EIF3B: variants seen among roughly 807,000 people sequenced by gnomAD.
EIF3B encodes the protein eukaryotic translation initiation factor 3 subunit B.
In EIF3B, 10 loss-of-function variants were observed where a neutral mutation model predicts 104.6. That is an observed-to-expected ratio of 0.10 (90% CI 0.06 to 0.16). The LOEUF (loss-of-function observed/expected upper bound fraction) is 0.16, where lower values mean the gene tolerates loss of function less well. Among genes scored for constraint, EIF3B ranks in the 10% least tolerant of loss-of-function variants. The probability of loss-of-function intolerance (pLI) is 1.00; values close to 1 mark genes in which losing one functional copy is unlikely to be tolerated. For missense variants in EIF3B, 1,014 were observed against 1,087.9 expected (o/e 0.93, Z 0.96); for synonymous variants, 542 against 417.2 (o/e 1.30, Z -3.65).
chr7:2,359,872 C>T (rs894808481), intron 1 of EIF3B, among the ~76,000 whole-genome samples: 45 of 152,122 alleles, frequency 3.0e-4, no homozygotes, highest in African/African-American at 1.0e-3. Flanking sequence ...CGGTGTCAGG[C>T]GTTGTGTTGA....
At chr7:2,361,427 T>C (rs909196412) in intron 2 of EIF3B, among the ~76,000 whole-genome samples, 4 of 152,212 alleles carry the variant, frequency 2.6e-5, no homozygotes, top group Admixed American at 2.6e-4. Flanking sequence ...CTTTCTTTCT[T>C]TCTTTTTTTT....
rs772046392 is a variant in EIF3B, at chr7:2,377,091, C to G, written c.2154+16C>G. The G allele has an allele frequency of 6.3e-7, 1 of 1,596,178 alleles. No individual in the cohort carries two copies. Among genetic ancestry groups the G allele is most frequent in the Non-Finnish European group, 8.6e-7 (1 of 1,167,750 alleles). ...ACAGATCAAGGTCAGCATGCCCCCA[C>G]CCCCGGGTGCAGGGCACATGGAGGC... is the stretch of plus-strand genomic sequence containing the variant. On this transcript the variant is annotated intron_variant, in intron 15 of 18. Coordinates refer to ENST00000360876, the MANE Select transcript of EIF3B (RefSeq NM_001037283.2).
At chr7:2,371,181 C>T (rs1780317750) in intron 10 of EIF3B, among the ~76,000 whole-genome samples, 1 of 152,268 alleles carries the variant, frequency 6.6e-6, no homozygotes, top group Admixed American at 6.5e-5. Context: ...ATTCTGAACA[C>T]ACAGCTGGAA....
chr7:2,367,321 G>A (rs944775263), intron 9 of EIF3B, among the ~76,000 whole-genome samples: 4 of 152,028 alleles, frequency 2.6e-5, no homozygotes, highest in Admixed American at 2.0e-4. Flanking sequence ...CATTCCCAAG[G>A]GCTTCCCCCT....
At chr7:2,376,650 G>A (rs1359513641) in intron 14 of EIF3B, 4 of 340,774 alleles carry the variant, frequency 1.2e-5, no homozygotes, top group Admixed American at 4.7e-5. Context: ...GTTCAGCGGC[G>A]CAGTAGTGAG....
At chr7:2,374,859 G>T in intron 13 of EIF3B, 1 of 394,910 alleles carries the variant, frequency 2.5e-6, no homozygotes, top group Non-Finnish European at 4.5e-6. Context: ...ACCTGTCTGC[G>T]GGTTGTGGTT....
At chr7:2,369,069 C>T (rs1157938732) in intron 9 of EIF3B, among the ~76,000 whole-genome samples, 1 of 152,166 alleles carries the variant, frequency 6.6e-6, no homozygotes, top group African/African-American at 2.4e-5. Flanking sequence ...CTTGATTTGC[C>T]ATTTTCCCCA....
chr7:2,369,765 A>ATTTT lies in EIF3B; in HGVS notation c.1614+110_1614+113dup, dbSNP rs552367791. Reference sequence around the variant, plus strand: ...CGTATTGTTTGGAGGGTGTTAATGGATTTTTTTTTTTTTTTTTTTTTTTTT... The same window carrying ATTTT: ...CGTATTGTTTGGAGGGTGTTAATGGATTTTTTTTTTTTTTTTTTTTTTTTTTTTT... On this transcript the variant is annotated intron_variant, in intron 10 of 18. Coordinates refer to ENST00000360876, the MANE Select transcript of EIF3B (RefSeq NM_001037283.2). 209 of 366,196 alleles carry ATTTT rather than the reference A, an allele frequency of 5.7e-4. 5 individuals are homozygous for ATTTT. In the African/African-American group the frequency reaches 8.0e-3, roughly 14 times the overall value. The allele number at this position is 366,196 out of a possible 1,614,324, so 22.7% of individuals were successfully genotyped here. A position where few individuals can be genotyped will look rare whatever the true frequency, so the allele number is the denominator to read the frequency against.
intron 2 of EIF3B, among the ~76,000 whole-genome samples, chr7:2,361,442 C>T (rs964998454): frequency 4.6e-5 from 7 of 151,840 alleles, no homozygotes; most frequent in Middle Eastern, 3.2e-3. Flanking sequence ...TTTTTTGAGT[C>T]GGAGTCTCGC....
At chr7:2,371,720 C>G in intron 10 of EIF3B, 57 bp from the exon 11 acceptor site, 2 of 1,326,282 alleles carry the variant, frequency 1.5e-6, no homozygotes, top group South Asian at 1.2e-5. Context: ...TGATTTAAAC[C>G]TTTTCTCATA....
chr7:2,367,246 A>T, intron 9 of EIF3B: 1 of 538,518 alleles, frequency 1.9e-6, no homozygotes, highest in Non-Finnish European at 3.3e-6. Flanking sequence ...CCTAGTGGAC[A>T]GCCCCTCGGT....
At chr7:2,364,950 A>G (rs369136106) in intron 6 of EIF3B, among the ~76,000 whole-genome samples, 10 of 152,322 alleles carry the variant, frequency 6.6e-5, no homozygotes, top group African/African-American at 2.4e-4. Context: ...GTCTAAGGTC[A>G]CGTATTTTAC....
intron 4 of EIF3B, among the ~76,000 whole-genome samples, chr7:2,363,358 C>T (rs745682596): frequency 9.2e-5 from 14 of 151,884 alleles, no homozygotes; most frequent in Non-Finnish European, 2.1e-4. Context: ...ACCTGGGAGG[C>T]TGAGGGGGGA....
intron 9 of EIF3B, among the ~76,000 whole-genome samples, chr7:2,367,399 G>C (rs1399003305): frequency 6.7e-6 from 1 of 150,180 alleles, no homozygotes; most frequent in Non-Finnish European, 1.5e-5. Context: ...ATTTCACCCT[G>C]TGAATCTGGG....
chr7:2,369,436 G>A (rs1780202907), intron 9 of EIF3B, 36 bp from the exon 10 acceptor site: 1 of 1,604,814 alleles, frequency 6.2e-7, no homozygotes, highest in Non-Finnish European at 8.5e-7. Flanking sequence ...TCATCACTTG[G>A]TCTTTGCTTT....
At chr7:2,378,663 C>A (rs1780823511) in intron 15 of EIF3B, 26 bp from the exon 16 acceptor site, 1 of 1,599,850 alleles carries the variant, frequency 6.3e-7, no homozygotes, top group Non-Finnish European at 8.6e-7. Flanking sequence ...AATGTTAAAT[C>A]CTGAGTGATG....
chr7:2,358,253 T>G (rs559879322), intron 1 of EIF3B, among the ~76,000 whole-genome samples: 14 of 152,288 alleles, frequency 9.2e-5, no homozygotes, highest in African/African-American at 3.4e-4. Context: ...CTGGCTACTT[T>G]TTGTATTTTT....
chr7:2,360,932 T>C (rs755005661), intron 2 of EIF3B, 30 bp downstream of exon 2: 7 of 1,558,478 alleles, frequency 4.5e-6, no homozygotes, highest in Non-Finnish European at 6.2e-6. Context: ...AGAAGTATCA[T>C]CTGTGTCTGG....
In EIF3B at chr7:2,366,646, G is replaced by A; in HGVS notation, c.1356+55G>A. ...CGTCCGGTCCTTGCTTGTAACCGGGGTGTGGTGCCTTTCCTTATTTGTGCT... is the reference window on the plus strand; with the variant it reads ...CGTCCGGTCCTTGCTTGTAACCGGGATGTGGTGCCTTTCCTTATTTGTGCT... On this transcript the variant is annotated intron_variant, in intron 8 of 18. Transcript: ENST00000360876. The A allele has an allele frequency of 7.6e-6, 12 of 1,587,002 alleles. No homozygotes were observed. In the South Asian group the frequency reaches 1.3e-4, roughly 18 times the overall value.
Sources: gnomAD v4.1 joint callset for allele counts (sites outside exome capture counted in the v4.1 genomes callset) on GRCh38, gnomAD v4.1.1 for gene constraint, MANE v1.5 for transcripts, NCBI Gene and HGNC (gene_info 2026-07-23, HGNC 2026-07-21) for gene names.